ZSCAN25: variants seen among roughly 807,000 people sequenced by gnomAD.
ZSCAN25 encodes zinc finger and SCAN domain-containing protein 25.
A neutral mutation model predicts 38.7 loss-of-function variants in ZSCAN25; 27 were observed. That is an observed-to-expected ratio of 0.70 (90% CI 0.51 to 0.96). ZSCAN25 has a LOEUF of 0.96. Among genes scored for constraint, ZSCAN25 ranks in the 40% least tolerant of loss-of-function variants. The pLI, the probability that ZSCAN25 is intolerant of heterozygous loss-of-function variation, is 0.00. For missense variants in ZSCAN25, 637 were observed against 705.9 expected (o/e 0.90, Z 1.11); for synonymous variants, 273 against 277.7 (o/e 0.98, Z 0.17).
At chr7:99,626,134 T>G (rs1033512957) in intron 7 of ZSCAN25, among the ~76,000 whole-genome samples, 19 of 152,194 alleles carry the variant, frequency 1.2e-4, no homozygotes, top group African/African-American at 3.9e-4. Flanking sequence ...TGCAGTAATG[T>G]CCACAAGGAC....
the ZSCAN25 span, chr7:99,679,976 A>G: frequency 8.0e-7 from 1 of 1,255,106 alleles, no homozygotes; most frequent in Non-Finnish European, 1.2e-6. Flanking sequence ...GTTTGCCTGG[A>G]GCTTCCCTGC....
chr7:99,709,024 G>C, the ZSCAN25 span: 1 of 1,613,710 alleles, frequency 6.2e-7, no homozygotes, highest in African/African-American at 1.3e-5. Flanking sequence ...CCCTTCCCAG[G>C]GGCCTCCTAC....
the ZSCAN25 span, among the ~76,000 whole-genome samples, chr7:99,690,343 T>C: frequency 3.4e-4 from 52 of 152,070 alleles, no homozygotes; most frequent in Non-Finnish European, 7.2e-4. Context: ...CATAAAAACC[T>C]TAGAAGAAAA....
At chr7:99,646,960 T>A in the ZSCAN25 span, among the ~76,000 whole-genome samples, 1 of 152,236 alleles carries the variant, frequency 6.6e-6, no homozygotes, top group African/African-American at 2.4e-5. Flanking sequence ...TGTACACTGA[T>A]ACATCCATTC....
At chr7:99,689,637 C>A in the ZSCAN25 span, among the ~76,000 whole-genome samples, 2 of 152,160 alleles carry the variant, frequency 1.3e-5, no homozygotes, top group African/African-American at 4.8e-5. Context: ...ACAAAAATCA[C>A]AAGCATTCTT....
the ZSCAN25 span, among the ~76,000 whole-genome samples, chr7:99,641,485 C>T: frequency 2.6e-5 from 4 of 152,056 alleles, no homozygotes; most frequent in Admixed American, 1.3e-4. Context: ...ATATCACCTC[C>T]CATCCTTGAC....
chr7:99,673,520 TAAG>T, the ZSCAN25 span, among the ~76,000 whole-genome samples: 2 of 152,206 alleles, frequency 1.3e-5, no homozygotes, highest in Non-Finnish European at 2.9e-5. Context: ...ATCCTTCTAT[TAAG>T]AAGTTTTGGC....
the ZSCAN25 span, chr7:99,673,059 G>C: frequency 4.3e-6 from 1 of 230,948 alleles, no homozygotes; most frequent in East Asian, 1.6e-4. Context: ...TTATCAAAAA[G>C]AATATTAGGT....
the ZSCAN25 span, chr7:99,660,631 C>T: frequency 1.2e-6 from 2 of 1,613,880 alleles, no homozygotes; most frequent in Non-Finnish European, 1.7e-6. Flanking sequence ...AGATTATTGA[C>T]TGGGCTGCGA....
the ZSCAN25 span, among the ~76,000 whole-genome samples, chr7:99,696,117 G>A: frequency 2.0e-5 from 3 of 152,178 alleles, no homozygotes; most frequent in African/African-American, 4.8e-5. Flanking sequence ...GTCCTCAAAC[G>A]TGAGTGCTCC....
chr7:99,622,656 C>T lies in ZSCAN25; in HGVS notation c.681+16C>T. ...TGGATCGCAGGTGAGCTCTGACTCC[C>T]TTTGCAGAAATCATGACCGTTGCTT... is the stretch of plus-strand genomic sequence containing the variant. On this transcript the variant is annotated intron_variant, in intron 6 of 7. Transcript: ENST00000394152. 6.2e-7 allele frequency: 1 copy of T among 1,611,992 alleles called. No homozygotes were observed. Among genetic ancestry groups the T allele is most frequent in the Non-Finnish European group, 8.5e-7 (1 of 1,178,372 alleles).
the ZSCAN25 span, among the ~76,000 whole-genome samples, chr7:99,650,683 T>C: frequency 2.6e-5 from 4 of 152,174 alleles, no homozygotes; most frequent in Admixed American, 1.3e-4. Flanking sequence ...TTCCTTCTCC[T>C]GTCATCTCTT....
At chr7:99,643,335 A>G in the ZSCAN25 span, among the ~76,000 whole-genome samples, 1 of 152,188 alleles carries the variant, frequency 6.6e-6, no homozygotes, top group Non-Finnish European at 1.5e-5. Context: ...ACTCCATTGG[A>G]CTTTAGAAGC....
the ZSCAN25 span, among the ~76,000 whole-genome samples, chr7:99,641,583 TC>T: frequency 6.6e-6 from 1 of 152,088 alleles, no homozygotes; most frequent in African/African-American, 2.4e-5. Flanking sequence ...TACTTAAAGA[TC>T]AAGTAGGCAT....
chr7:99,688,411 A>G, the ZSCAN25 span, among the ~76,000 whole-genome samples: 234 of 152,346 alleles, frequency 1.5e-3, no homozygotes, highest in African/African-American at 5.3e-3. Context: ...AACAAAGATC[A>G]AAAGAGACAA....
chr7:99,699,646 T>A, the ZSCAN25 span, among the ~76,000 whole-genome samples: 1 of 152,288 alleles, frequency 6.6e-6, no homozygotes, highest in South Asian at 2.1e-4. Flanking sequence ...TTCAGCAGTT[T>A]GTAATCTGCC....
the ZSCAN25 span, among the ~76,000 whole-genome samples, chr7:99,654,329 G>A: frequency 6.6e-6 from 1 of 152,110 alleles, no homozygotes; most frequent in East Asian, 1.9e-4. Context: ...AGAACATACA[G>A]TGTTTGGTTT....
intron 4 of ZSCAN25, 128 bp downstream of exon 4, chr7:99,620,121 C>T (rs1406604312): frequency 2.2e-6 from 3 of 1,351,290 alleles, no homozygotes; most frequent in Non-Finnish European, 2.9e-6. Context: ...CTCAGACTCC[C>T]TGAGGTTCTT....
At chr7:99,665,237 T>G in the ZSCAN25 span, 13 of 1,614,138 alleles carry the variant, frequency 8.1e-6, no homozygotes, top group Non-Finnish European at 1.1e-5. Context: ...AAAGGGGTCT[T>G]GTGGATTGTT....
Sources: allele counts gnomAD v4.1 joint callset (sites outside exome capture counted in the v4.1 genomes callset), GRCh38; gene constraint gnomAD v4.1.1; transcripts MANE v1.5; gene names NCBI Gene and HGNC (gene_info 2026-07-23, HGNC 2026-07-21).